Variants in IL1RAP observed in about 807,000 individuals in gnomAD.
IL1RAP encodes the protein interleukin 1 receptor accessory protein.
In IL1RAP, 35 loss-of-function variants were observed where a neutral mutation model predicts 60.7. That is an observed-to-expected ratio of 0.58 (90% CI 0.44 to 0.76). The LOEUF (loss-of-function observed/expected upper bound fraction) is 0.76. Ranked by LOEUF, IL1RAP falls within the 30% of genes least tolerant of loss-of-function variation. The pLI is 0.00. For missense variants in IL1RAP, 572 were observed against 693.9 expected, an observed-to-expected ratio of 0.82 and a Z score of 1.97; for synonymous variants, 268 against 250.9, an observed-to-expected ratio of 1.07 and a Z score of -0.64.
At chr3:190,616,128 AAC>A (rs988023571) in intron 5 of IL1RAP, among the ~76,000 whole-genome samples, 5 of 152,172 alleles carry the variant, frequency 3.3e-5, no homozygotes, top group Non-Finnish European at 7.3e-5. Flanking sequence ...TCATGACTTA[AAC>A]ACAAAGCCAA....
chr3:190,604,479 C>T, intron 4 of IL1RAP, 66 bp downstream of exon 4: 1 of 1,519,470 alleles, frequency 6.6e-7, no homozygotes, highest in Non-Finnish European at 8.9e-7. Flanking sequence ...TCCGGATGAT[C>T]CGTGTGCTAG....
intron 1 of IL1RAP, among the ~76,000 whole-genome samples, chr3:190,547,736 T>C (rs1724501753): frequency 6.6e-6 from 1 of 152,232 alleles, no homozygotes; most frequent in Non-Finnish European, 1.5e-5. Flanking sequence ...CTGCTGTGAA[T>C]GTTCTAATTT....
intron 8 of IL1RAP, among the ~76,000 whole-genome samples, chr3:190,627,894 A>G (rs895924915): frequency 6.6e-6 from 1 of 151,770 alleles, no homozygotes; most frequent in Non-Finnish European, 1.5e-5. Context: ...GGCCCTATGT[A>G]TTTGTGCCTT....
At chr3:190,576,369 C>G (rs1159255086) in intron 3 of IL1RAP, among the ~76,000 whole-genome samples, 1 of 117,696 alleles carries the variant, frequency 8.5e-6, no homozygotes, top group Non-Finnish European at 1.7e-5. Context: ...ATGCAAGGAG[C>G]TATTATATAT....
intron 1 of IL1RAP, among the ~76,000 whole-genome samples, chr3:190,526,785 G>A (rs1306248536): frequency 6.6e-6 from 1 of 152,200 alleles, no homozygotes; most frequent in Admixed American, 6.5e-5. Context: ...TTATGTACCA[G>A]GCAGTTTTTT....
intron 3 of IL1RAP, among the ~76,000 whole-genome samples, chr3:190,592,724 A>C (rs1729051020): frequency 6.6e-6 from 1 of 152,216 alleles, no homozygotes; most frequent in Non-Finnish European, 1.5e-5. Flanking sequence ...GAAAGACCCC[A>C]GCTCTTTTAG....
chr3:190,580,192 A>G (rs1024940), intron 3 of IL1RAP, among the ~76,000 whole-genome samples: 53,771 of 152,002 alleles, frequency 0.35, 9,785 homozygotes, highest in East Asian at 0.51. Flanking sequence ...TGTCTTTTTG[A>G]AGTATTTTGA....
chr3:190,604,251 C>T lies in IL1RAP; in HGVS notation c.188C>T (p.Ser63Leu). 6.2e-7 allele frequency: 1 copy of T among 1,614,102 alleles called. No homozygotes were observed. The highest frequency in any genetic ancestry group is 8.5e-7 in the Non-Finnish European group (1 of 1,180,000). The change falls in exon 4 of 12, where the codon TCA becomes TTA. Residue 63 changes from serine to leucine, a missense_variant. By Grantham distance (145) the Ser-to-Leu change is moderately radical. Transcript: ENST00000447382. ...FLKFNYSTAHSAGLTLIWYWT... is the reference protein window; with the variant it reads ...FLKFNYSTAHLAGLTLIWYWT... ...AAATTCAACTACAGCACAGCCCATT[C>T]AGCTGGCCTTACTCTGATCTGGTAT...
chr3:190,589,689 G>A (rs975770942), intron 3 of IL1RAP, among the ~76,000 whole-genome samples: 5 of 152,268 alleles, frequency 3.3e-5, no homozygotes, highest in East Asian at 1.9e-4. Flanking sequence ...ATCTTGAGGC[G>A]GGGAAGTTAG....
At chr3:190,577,486 A>G (rs1442857409) in intron 3 of IL1RAP, among the ~76,000 whole-genome samples, 1 of 152,204 alleles carries the variant, frequency 6.6e-6, no homozygotes. Context: ...CCGGCTGTTT[A>G]CCAGCACGCC....
chr3:190,602,051 A>C (rs1053387557), intron 3 of IL1RAP, among the ~76,000 whole-genome samples: 2 of 152,190 alleles, frequency 1.3e-5, no homozygotes, highest in Non-Finnish European at 2.9e-5. Context: ...TCTTGATTGG[A>C]AAACTTACAG....
Position 190,651,325 on chromosome 3 carries a change from TAATAAAAAATC to T in IL1RAP, c.*2622_*2632del. On this transcript the variant is annotated 3_prime_UTR_variant, in exon 12 of 12. Coordinates refer to ENST00000447382, the MANE Select transcript of IL1RAP (RefSeq NM_002182.4). Reference sequence around the variant, plus strand: ...TAACTTAGATGATTCCCAAGGACTCTAATAAAAAATCACTTCATTGTATTTGGAAACAAAAA... The same window carrying T: ...TAACTTAGATGATTCCCAAGGACTCTACTTCATTGTATTTGGAAACAAAAA... 1 of 923,026 alleles carries T rather than the reference TAATAAAAAATC, an allele frequency of 1.1e-6. No individual in the cohort carries two copies. Among genetic ancestry groups the T allele is most frequent in the Non-Finnish European group, 1.3e-6 (1 of 772,970 alleles). 57.2% of individuals were successfully genotyped at this position (923,026 alleles called of 1,614,324 possible). A position where few individuals can be genotyped will look rare whatever the true frequency, so the allele number is the denominator to read the frequency against.
intron 7 of IL1RAP, among the ~76,000 whole-genome samples, chr3:190,627,085 T>A (rs928717412): frequency 3.2e-4 from 48 of 152,150 alleles, no homozygotes; most frequent in Non-Finnish European, 6.2e-4. Flanking sequence ...TTGGTTTCGC[T>A]TGTTTGTTTT....
rs556901518 is a variant in IL1RAP, at chr3:190,627,553, A to G, written c.902+104A>G. ...AAAATAAAAATTCTCATTTTTCCCT[A>G]TCACTAACAAAAATCGGCAAGATTT... is the stretch of plus-strand genomic sequence containing the variant. On this transcript the variant is annotated intron_variant, in intron 8 of 11. Transcript: ENST00000447382. 3.4e-4 allele frequency: 469 copies of G among 1,370,294 alleles called. 4 individuals are homozygous for G. The South Asian group carries it at 6.7e-3, about 20-fold the overall frequency. The allele number at this position is 1,370,294 out of a possible 1,614,324, so 84.9% of individuals were successfully genotyped here. A position where few individuals can be genotyped will look rare whatever the true frequency, so the allele number is the denominator to read the frequency against.
At chr3:190,530,209 C>T (rs375513562) in intron 1 of IL1RAP, among the ~76,000 whole-genome samples, 1 of 152,280 alleles carries the variant, frequency 6.6e-6, no homozygotes, top group East Asian at 1.9e-4. Flanking sequence ...GTGAATACAT[C>T]ATCATTGAAT....
intron 1 of IL1RAP, among the ~76,000 whole-genome samples, chr3:190,540,759 GA>G (rs2108561561): frequency 6.6e-6 from 1 of 152,150 alleles, no homozygotes; most frequent in South Asian, 2.1e-4. Context: ...AAGAGAGAAA[GA>G]AAACAAATCT....
intron 1 of IL1RAP, among the ~76,000 whole-genome samples, chr3:190,553,559 G>C (rs1725059439): frequency 6.6e-6 from 1 of 152,252 alleles, no homozygotes; most frequent in Admixed American, 6.5e-5. Context: ...AGGTGAAGAG[G>C]CCATGGATGC....
chr3:190,604,085 A>C, intron 3 of IL1RAP, 43 bp from the exon 4 acceptor site: 7 of 1,582,378 alleles, frequency 4.4e-6, no homozygotes, highest in Non-Finnish European at 6.0e-6. Flanking sequence ...CTTTGTTGTA[A>C]AATGACTCAT....
intron 1 of IL1RAP, among the ~76,000 whole-genome samples, chr3:190,532,429 ATT>A (rs1384459473): frequency 6.6e-6 from 1 of 151,720 alleles, no homozygotes; most frequent in East Asian, 1.9e-4. Flanking sequence ...CGCCCTGCTA[ATT>A]TTTTGTATTT....
Sources: gnomAD v4.1 joint callset for allele counts (sites outside exome capture counted in the v4.1 genomes callset) on GRCh38, gnomAD v4.1.1 for gene constraint, MANE v1.5 for transcripts, NCBI Gene and HGNC (gene_info 2026-07-23, HGNC 2026-07-21) for gene names.